The following MICALL1 variants were observed in gnomAD, a reference collection of about 807,000 sequenced individuals.
MICALL1 encodes the protein MICAL-like protein 1.
MICALL1 carries 61 observed loss-of-function variants against 83.7 expected under a neutral mutation model. The ratio of observed to expected loss-of-function variants is 0.73; its 90% CI spans 0.59 to 0.90. MICALL1 has a LOEUF of 0.90. Among genes scored for constraint, MICALL1 ranks in the 40% least tolerant of loss-of-function variants. MICALL1 has a pLI of 0.00. For synonymous variants in MICALL1, 481 were observed against 473.6 expected (o/e 1.02, Z -0.20); for missense variants, 1,066 against 1,152.0 (o/e 0.93, Z 1.08).
chr22:37,925,650 CCCT>C lies in MICALL1; in HGVS notation c.1083-5_1083-3del. On this transcript the variant is annotated splice_region_variant and splice_polypyrimidine_tract_variant and intron_variant, in intron 7 of 15. Transcript: ENST00000215957. ...CTGCTAATGGTTTCTGCTGCTTCCC[CCCT>C]CCTCCAGGACACCAGCCCCCAGGAA... 1 of 1,588,930 alleles carries C rather than the reference CCCT, an allele frequency of 6.3e-7. No individual in the cohort carries two copies.
chr22:37,910,033 C>T (rs549582856), intron 1 of MICALL1, among the ~76,000 whole-genome samples: 2 of 152,244 alleles, frequency 1.3e-5, no homozygotes, highest in South Asian at 2.1e-4. Context: ...TGCTTAAGCT[C>T]CTTTGAGGGC....
Position 37,906,599 on chromosome 22 carries a change from C to G in MICALL1, c.146+31C>G, listed in dbSNP as rs1927961149. 4 of 1,136,428 alleles carry G rather than the reference C, an allele frequency of 3.5e-6. No individual in the cohort carries two copies. Among genetic ancestry groups the G allele is most frequent in the Non-Finnish European group, 4.3e-6 (4 of 923,566 alleles). 70.4% of individuals were successfully genotyped at this position (1,136,428 alleles called of 1,614,324 possible). On this transcript the variant is annotated intron_variant, in intron 1 of 15. Transcript: ENST00000215957. The surrounding 1 kb of genome is among the most constrained non-coding windows in gnomAD (Gnocchi z 4.4). ...TGCGGGGCCCCGGGCGAGCGGGCGG[C>G]GCGGGGCGGGCTGGGGCCGCGACCG...
rs755451444 is a variant in MICALL1 at position 37,927,716 on chromosome 22, C to A, written c.1771C>A (p.Pro591Thr). 1.2e-6 allele frequency: 2 copies of A among 1,613,890 alleles called. No individual in the cohort carries two copies. Among genetic ancestry groups the A allele is most frequent in the African/African-American group, 2.7e-5 (2 of 74,912 alleles). ...LAPRTRGSSG[P>T]QPAKPCSGAT... ...CCCCAGGACCAGGGGCAGCTCAGGT[C>A]CCCAGCCAGCCAAGCCCTGCAGTGG... The change falls in exon 9 of 16, where the codon CCC (proline) becomes ACC (threonine). Residue 591 changes from proline to threonine, a missense_variant. Pro to Thr is a conservative substitution (Grantham distance 38). Coordinates refer to ENST00000215957, the MANE Select transcript of MICALL1 (RefSeq NM_033386.4).
At chr22:37,927,888 C>T in intron 9 of MICALL1, 62 bp downstream of exon 9, 1 of 1,500,754 alleles carries the variant, frequency 6.7e-7, no homozygotes. Flanking sequence ...GGTCTGGTCT[C>T]AGGGCAGAAA....
chr22:37,914,285 GGC>G (rs1928531144), intron 3 of MICALL1, among the ~76,000 whole-genome samples: 1 of 151,092 alleles, frequency 6.6e-6, no homozygotes, highest in Non-Finnish European at 1.5e-5. Context: ...GGAGTGCAAT[GGC>G]GCGGTCTCAG....
chr22:37,942,757 T>C lies in MICALL1; in HGVS notation c.*1927T>C, dbSNP rs912575104. ...ACCTTGTGATCCACCCACCTTGGCC[T>C]CCCAAAGTGCTGGGATTACAGGCGT... On this transcript the variant is annotated 3_prime_UTR_variant, in exon 16 of 16. Transcript: ENST00000215957. The C allele has an allele frequency of 1.3e-5, 2 of 152,290 alleles. No individual in the cohort carries two copies. The highest frequency in any genetic ancestry group is 2.4e-5 in the African/African-American group (1 of 41,436). The allele number at this position is 152,290 out of a possible 1,614,324, so 9.4% of individuals were successfully genotyped here.
intron 3 of MICALL1, among the ~76,000 whole-genome samples, chr22:37,914,502 C>T (rs1486783363): frequency 6.6e-6 from 1 of 151,644 alleles, no homozygotes; most frequent in Non-Finnish European, 1.5e-5. Context: ...GCTGGGATTA[C>T]AGGCATGAGC....
chr22:37,913,655 C>G (rs983134749), intron 3 of MICALL1, among the ~76,000 whole-genome samples: 1 of 152,164 alleles, frequency 6.6e-6, no homozygotes, highest in Non-Finnish European at 1.5e-5. Flanking sequence ...AAGGACCTCC[C>G]TTGCAGGTAG....
At chr22:37,918,974 T>A in intron 4 of MICALL1, 62 bp from the exon 5 acceptor site, 1 of 1,467,430 alleles carries the variant, frequency 6.8e-7, no homozygotes, top group East Asian at 2.8e-5. Context: ...AGGGCAGTGA[T>A]GTGAACAGGA....
rs377045558 is a variant in MICALL1, at chr22:37,917,499, G to C, written c.338-208G>C. 3.9e-5 allele frequency among the ~76,000 whole-genome samples: 6 copies of C among 152,344 alleles called. No homozygotes were observed. The South Asian group carries it at 1.2e-3, about 32-fold the overall frequency. ...ACTCTCCCCATTTGATGGAGGTTCA[G>C]TGAGGTTCATGGCTTGCCCTCAGCA... On this transcript the variant is annotated intron_variant, in intron 3 of 15. Transcript: ENST00000215957.
At chr22:37,931,967 C>G (rs1223276188) in intron 10 of MICALL1, 34 bp downstream of exon 10, 1 of 1,605,464 alleles carries the variant, frequency 6.2e-7, no homozygotes, top group African/African-American at 1.3e-5. Context: ...ACCAGGCTGG[C>G]CTGGGCTGGC....
At chr22:37,917,562 A>C (rs552874103) in intron 3 of MICALL1, 145 bp from the exon 4 acceptor site, 12,395 of 683,184 alleles carry the variant, frequency 0.018, 185 homozygotes, top group South Asian at 0.032. Flanking sequence ...GGCCCGTGTG[A>C]AGCGGGAGCC....
chr22:37,918,790 G>A (rs932728652), intron 4 of MICALL1, among the ~76,000 whole-genome samples: 6 of 152,212 alleles, frequency 3.9e-5, no homozygotes, highest in East Asian at 1.9e-4. Context: ...TCGTGTTTCC[G>A]CACTGGCTCA....
In MICALL1 at chr22:37,937,800, C is replaced by T. The variant is rs1205350562; in HGVS notation, c.2470+8C>T. 6.2e-7 allele frequency: 1 copy of T among 1,613,234 alleles called. No individual in the cohort carries two copies. The highest frequency in any genetic ancestry group is 8.5e-7 in the Non-Finnish European group (1 of 1,179,458). The stretch of plus-strand genomic sequence containing the variant: ...CCATGATCAAGAAGAAAGGTGAGGC[C>T]CTTGCTGGGGATGAGGCTGGTGAGC... On this transcript the variant is annotated splice_region_variant and intron_variant, in intron 15 of 15. Coordinates refer to ENST00000215957, the MANE Select transcript of MICALL1 (RefSeq NM_033386.4).
intron 13 of MICALL1, among the ~76,000 whole-genome samples, chr22:37,934,697 C>T (rs1238503949): frequency 5.4e-5 from 8 of 148,672 alleles, no homozygotes; most frequent in East Asian, 2.0e-4. Context: ...CCCGGGTTCA[C>T]GCCATTTTCC....
intron 15 of MICALL1, among the ~76,000 whole-genome samples, chr22:37,939,236 G>T (rs940788184): frequency 1.3e-5 from 2 of 152,158 alleles, no homozygotes; most frequent in Non-Finnish European, 2.9e-5. Flanking sequence ...TGCAGAATGC[G>T]GGTGAAAATG....
Position 37,927,398 on chromosome 22 carries a change from C to T in MICALL1, c.1466-13C>T. The T allele has an allele frequency of 1.1e-5, 17 of 1,554,120 alleles. No homozygotes were observed. The highest frequency in any genetic ancestry group is 4.6e-5 in the South Asian group (4 of 86,558). On this transcript the variant is annotated splice_polypyrimidine_tract_variant and intron_variant, in intron 8 of 15. Transcript: ENST00000215957. ...GCTCCCCTTGTGAGGTGTCCTGGTG[C>T]TCGTCCGCACAGCTCTCCACGCCTC...
In MICALL1 at chr22:37,906,667, C is replaced by G. The variant is rs1003264634; in HGVS notation, c.146+99C>G. The G allele has an allele frequency of 3.7e-5, 40 of 1,068,970 alleles. No individual in the cohort carries two copies. The African/African-American group carries it at 6.6e-4, about 18-fold the overall frequency. 66.2% of individuals were successfully genotyped at this position (1,068,970 alleles called of 1,614,324 possible). On this transcript the variant is annotated intron_variant, in intron 1 of 15. Coordinates refer to ENST00000215957, the MANE Select transcript of MICALL1 (RefSeq NM_033386.4). This position sits in a 1 kb window ranked among gnomAD's most constrained non-coding sequence, Gnocchi z 4.4. ...CACGAAGCCCGGGCGGTGACAGGCG[C>G]CGCCCCCGGACACGGAGACGCCGAC...
intron 15 of MICALL1, among the ~76,000 whole-genome samples, chr22:37,938,480 G>C (rs573009450): frequency 6.8e-6 from 1 of 147,446 alleles, no homozygotes; most frequent in Admixed American, 6.8e-5. Flanking sequence ...TTGAGACAGA[G>C]TCCCACTCTG....
Sources: gnomAD v4.1 joint callset for allele counts (sites outside exome capture counted in the v4.1 genomes callset) on GRCh38, gnomAD v4.1.1 for gene constraint, Gnocchi (gnomAD v3.1) non-coding constraint, MANE v1.5 for transcripts, NCBI Gene and HGNC (gene_info 2026-07-23, HGNC 2026-07-21) for gene names.